IQCF1: variants seen among roughly 807,000 people sequenced by gnomAD.
The protein encoded by IQCF1 is IQ motif containing F1, also known as IQ domain-containing protein F1.
Under a neutral mutation model 12.5 loss-of-function variants are expected in IQCF1, and 9 were observed. That is an observed-to-expected ratio of 0.72 (90% CI 0.43 to 1.26). The LOEUF (loss-of-function observed/expected upper bound fraction) is 1.26. Among genes scored for constraint, IQCF1 ranks in the 50% most tolerant of loss-of-function variants. The pLI is 0.00. For missense variants in IQCF1, 252 were observed against 257.4 expected (o/e 0.98, Z 0.14); for synonymous variants, 67 against 96.2 (o/e 0.70, Z 1.78).
intron 2 of IQCF1, among the ~76,000 whole-genome samples, chr3:51,897,491 A>T (rs992842351): frequency 6.6e-6 from 1 of 152,226 alleles, no homozygotes; most frequent in African/African-American, 2.4e-5. Flanking sequence ...CTGGTTCTCC[A>T]ACGTGAGGAG....
In IQCF1 at chr3:51,895,064, G is replaced by A. The variant is rs1559734630; in HGVS notation, c.444C>T (p.Leu148=). 4 of 1,614,078 alleles carry A rather than the reference G, an allele frequency of 2.5e-6. No homozygotes were observed. Among genetic ancestry groups the A allele is most frequent in the Admixed American group, 3.3e-5 (2 of 60,016 alleles). Residue 148 remains leucine (L), a synonymous_variant, in exon 4 of 4, where the codon CTC becomes CTT. Coordinates refer to ENST00000310914, the MANE Select transcript of IQCF1 (RefSeq NM_152397.3). The surrounding 1 kb of genome is among the most constrained non-coding windows in gnomAD (Gnocchi z 4.8). ...AAGCCTGGATGATGCGAACAGCATT[G>A]AGCACCTGGCAATAGCGTCTGCGGA... ...WRIRRRYCQV[L]NAVRIIQAYW... is the part of the protein sequence containing the mutation.
chr3:51,896,697 A>ACACACACACACACACG (rs770695868), intron 3 of IQCF1, 135 bp downstream of exon 3: 2 of 405,630 alleles, frequency 4.9e-6, no homozygotes, highest in African/African-American at 2.0e-5. Context: ...ACACGCGCGC[A>ACACACACACACACACG]CACACACACA....
At position 51,895,054 on chromosome 3, in the gene IQCF1, G is replaced by A. The variant is rs747842102; in HGVS notation, c.454C>T (p.Arg152Cys). 3.6e-5 allele frequency: 58 copies of A among 1,614,080 alleles called. No homozygotes were observed. Among genetic ancestry groups the A allele is most frequent in the East Asian group, 6.7e-5 (3 of 44,890 alleles). ...RRYCQVLNAVRIIQAYWRCRS... is the reference protein window; with the variant it reads ...RRYCQVLNAVCIIQAYWRCRS... ...CACCTCCAGTAAGCCTGGATGATGC[G>A]AACAGCATTGAGCACCTGGCAATAG... The change falls in exon 4 of 4, where the codon CGC becomes TGC. Residue 152 changes from arginine (R) to cysteine (C), a missense_variant. By Grantham distance (180) the Arg-to-Cys change is radical. Transcript: ENST00000310914. The surrounding 1 kb of genome is among the most constrained non-coding windows in gnomAD (Gnocchi z 4.8).
In IQCF1 at chr3:51,895,205, C is replaced by G. The variant is rs1698988158; in HGVS notation, c.303G>C (p.Trp101Cys). The change falls in exon 4 of 4, where the codon TGG (tryptophan) becomes TGC (cysteine). Residue 101 changes from tryptophan (W) to cysteine (C), a missense_variant. Transcript: ENST00000310914. This position sits in a 1 kb window ranked among gnomAD's most constrained non-coding sequence, Gnocchi z 4.8. ...GAATCTTGGACAGTATCAGCCGCCA[C>G]CAGCACTGAATGATGCAGGCACTGA... ...AALSACIIQC[W>C]WRLILSKILK... is the part of the protein sequence containing the mutation. 4 of 1,614,122 alleles carry G rather than the reference C, an allele frequency of 2.5e-6. No individual in the cohort carries two copies. The African/African-American group carries it at 4.0e-5, about 16-fold the overall frequency.
At chr3:51,896,215 C>A (rs1462142451) in intron 3 of IQCF1, among the ~76,000 whole-genome samples, 3 of 152,158 alleles carry the variant, frequency 2.0e-5, no homozygotes, top group Non-Finnish European at 4.4e-5. Flanking sequence ...TTATCTTAAC[C>A]CAAATGTTCC....
chr3:51,903,168 C>A, intron 1 of IQCF1, 79 bp from the exon 2 acceptor site: 1 of 1,589,324 alleles, frequency 6.3e-7, no homozygotes, highest in Non-Finnish European at 8.6e-7. Context: ...ACATCCCCAG[C>A]TTCCAGGGCT....
chr3:51,896,695 GCACACA>G (rs766593079), intron 3 of IQCF1, 131 bp downstream of exon 3: 8 of 561,354 alleles, frequency 1.4e-5, no homozygotes, highest in Admixed American at 2.6e-5. Flanking sequence ...AAACACGCGC[GCACACA>G]CACACACACA....
At chr3:51,898,195 G>A (rs1168495736) in intron 2 of IQCF1, among the ~76,000 whole-genome samples, 1 of 152,012 alleles carries the variant, frequency 6.6e-6, no homozygotes, top group African/African-American at 2.4e-5. Context: ...ACTGGGAGAG[G>A]AAGTCAGAGA....
chr3:51,898,955 C>T (rs1262200093), intron 2 of IQCF1, among the ~76,000 whole-genome samples: 1 of 152,188 alleles, frequency 6.6e-6, no homozygotes, highest in Non-Finnish European at 1.5e-5. Context: ...AAAGTACTTA[C>T]AGAATCAGGA....
chr3:51,896,250 G>A (rs1022616718), intron 3 of IQCF1, among the ~76,000 whole-genome samples: 2 of 152,154 alleles, frequency 1.3e-5, no homozygotes, highest in Non-Finnish European at 2.9e-5. Context: ...CAGGTCTTTA[G>A]ACAAACTCAA....
intron 2 of IQCF1, among the ~76,000 whole-genome samples, chr3:51,899,045 C>T (rs1402509106): frequency 5.9e-5 from 9 of 152,206 alleles, no homozygotes; most frequent in Admixed American, 5.9e-4. Context: ...AAATCCCAAA[C>T]TTACAAGGTT....
In IQCF1 at chr3:51,900,910, A is replaced by G. The variant is rs1577637325; in HGVS notation, c.108+2075T>C. 6.6e-6 allele frequency among the ~76,000 whole-genome samples: 1 copy of G among 152,226 alleles called. No individual in the cohort carries two copies. Among genetic ancestry groups the G allele is most frequent in the Middle Eastern group, 3.4e-3 (1 of 294 alleles). ...AGGTTTCAGGGACAGACCCTATTGG[A>G]TTCTTTGAAATGCATTTCTTTGAAC... On this transcript the variant is annotated intron_variant, in intron 2 of 3. Transcript: ENST00000310914. This position sits in a 1 kb window ranked among gnomAD's most constrained non-coding sequence, Gnocchi z 4.2.
At position 51,899,998 on chromosome 3, in the gene IQCF1, G is replaced by A. The variant is rs552990486; in HGVS notation, c.108+2987C>T. On this transcript the variant is annotated intron_variant, in intron 2 of 3. Transcript: ENST00000310914. ...AAGGACAATAAAGTCCACTGCTGAT[G>A]TCCCCACATTTAAAACAAAAGGTCA... Among the ~76,000 whole-genome samples, 142 of 152,276 alleles carry A rather than the reference G, an allele frequency of 9.3e-4. 2 individuals are homozygous for A. The highest frequency in any genetic ancestry group is 8.5e-4 in the Non-Finnish European group (58 of 68,024).
At chr3:51,901,323 G>C (rs1158887910) in intron 2 of IQCF1, among the ~76,000 whole-genome samples, 3 of 152,140 alleles carry the variant, frequency 2.0e-5, no homozygotes, top group Non-Finnish European at 2.9e-5. Flanking sequence ...GCACCCTGTG[G>C]GTCGGCCCCC....
chr3:51,900,633 T>C lies in IQCF1; in HGVS notation c.108+2352A>G, dbSNP rs1029419052. Among the ~76,000 whole-genome samples, 1 of 152,188 alleles carries C rather than the reference T, an allele frequency of 6.6e-6. No individual in the cohort carries two copies. Among genetic ancestry groups the C allele is most frequent in the South Asian group, 2.1e-4 (1 of 4,830 alleles). On this transcript the variant is annotated intron_variant, in intron 2 of 3. Coordinates refer to ENST00000310914, the MANE Select transcript of IQCF1 (RefSeq NM_152397.3). This position sits in a 1 kb window ranked among gnomAD's most constrained non-coding sequence, Gnocchi z 4.2. ...GTCAACCAGGAGTCTTGCCCCGCGA[T>C]GTAGAGCTTTTATACCATAGTTGGT...
chr3:51,896,732 C>A, intron 3 of IQCF1, 100 bp downstream of exon 3: 1 of 902,958 alleles, frequency 1.1e-6, no homozygotes. Context: ...CACACACATA[C>A]TTCTAACTGA....
In IQCF1 at chr3:51,895,008, C is replaced by A; in HGVS notation, c.500G>T (p.Gly167Val). 1.9e-6 allele frequency: 3 copies of A among 1,614,192 alleles called. No homozygotes were observed. Among genetic ancestry groups the A allele is most frequent in the Non-Finnish European group, 2.5e-6 (3 of 1,180,038 alleles). ...YWRCRSCASR[G>V]FIKGQYRVTA... ...GACTCTGTACTGGCCCTTGATGAAC[C>A]CCCGGGAAGCACAGGAGCGGCACCT... Residue 167 changes from glycine (G) to valine (V), a missense_variant, in exon 4 of 4, where the codon GGG becomes GTG. Gly to Val is a moderately radical substitution (Grantham distance 109, BLOSUM62 -3). Transcript: ENST00000310914. This position sits in a 1 kb window ranked among gnomAD's most constrained non-coding sequence, Gnocchi z 4.8.
intron 2 of IQCF1, among the ~76,000 whole-genome samples, chr3:51,897,506 G>GCC (rs970112924): frequency 3.9e-5 from 6 of 152,226 alleles, no homozygotes; most frequent in Admixed American, 6.5e-5. Context: ...GAGGAGGCAT[G>GCC]CCCCACCCCC....
At position 51,895,193 on chromosome 3, in the gene IQCF1, T is replaced by C. The variant is rs756702938; in HGVS notation, c.315A>G (p.Ile105Met). Residue 105 changes from isoleucine to methionine, a missense_variant, in exon 4 of 4, where the codon ATA (isoleucine) becomes ATG (methionine). Coordinates refer to ENST00000310914, the MANE Select transcript of IQCF1 (RefSeq NM_152397.3). The surrounding 1 kb of genome is among the most constrained non-coding windows in gnomAD (Gnocchi z 4.8). ...ACIIQCWWRL[I>M]LSKILKKRRQ... ...GCCTCTTCTTCAGAATCTTGGACAGTATCAGCCGCCACCAGCACTGAATGA... is the reference window on the plus strand; with the variant it reads ...GCCTCTTCTTCAGAATCTTGGACAGCATCAGCCGCCACCAGCACTGAATGA... 7 of 1,614,176 alleles carry C rather than the reference T, an allele frequency of 4.3e-6. No individual in the cohort carries two copies. In the Admixed American group the frequency reaches 1.2e-4, roughly 27 times the overall value.
Sources: allele counts gnomAD v4.1 joint callset (sites outside exome capture counted in the v4.1 genomes callset), GRCh38; gene constraint gnomAD v4.1.1; non-coding constraint Gnocchi (gnomAD v3.1); transcripts MANE v1.5; gene names NCBI Gene and HGNC (gene_info 2026-07-23, HGNC 2026-07-21).